HCN1: variants seen among roughly 807,000 people sequenced by gnomAD.
HCN1 encodes the protein hyperpolarization activated cyclic nucleotide gated potassium channel 1.
In HCN1, 13 loss-of-function variants were observed where a neutral mutation model predicts 78.9. The ratio of observed to expected loss-of-function variants is 0.16; its 90% CI spans 0.11 to 0.26. The LOEUF (loss-of-function observed/expected upper bound fraction) is 0.26. HCN1 is among the 10% of genes least tolerant of loss of function. The probability of loss-of-function intolerance (pLI) is 1.00; values close to 1 mark genes in which losing one functional copy is unlikely to be tolerated. For synonymous variants in HCN1, 552 were observed against 455.5 expected, an observed-to-expected ratio of 1.21 and a Z score of -2.70; for missense variants, 810 against 1,154.3, an observed-to-expected ratio of 0.70 and a Z score of 4.32.
At chr5:45,495,766 A>G (rs1335948039) in intron 2 of HCN1, among the ~76,000 whole-genome samples, 1 of 152,202 alleles carries the variant, frequency 6.6e-6, no homozygotes, top group Non-Finnish European at 1.5e-5. Context: ...TTATTTTGAA[A>G]TACGTCCCAT....
At position 45,303,810 on chromosome 5, in the gene HCN1, C is replaced by G; in HGVS notation, c.1407G>C (p.Leu469=). The change falls in exon 6 of 8, where the codon CTG becomes CTC. Residue 469 remains leucine, a synonymous_variant. Transcript: ENST00000303230. The part of the protein sequence containing the change: ...EEIVNFNCRK[L]VATMPLFANA... ...TAGCAAATAAAGGCATTGTAGCCACCAGTTTCCGACAGTTGAAGTTGACTA... is the reference window on the plus strand; with the variant it reads ...TAGCAAATAAAGGCATTGTAGCCACGAGTTTCCGACAGTTGAAGTTGACTA... 1 of 1,613,320 alleles carries G rather than the reference C, an allele frequency of 6.2e-7. No individual in the cohort carries two copies. The highest frequency in any genetic ancestry group is 8.5e-7 in the Non-Finnish European group (1 of 1,179,474).
chr5:45,371,560 C>T (rs933309240), intron 4 of HCN1, among the ~76,000 whole-genome samples: 2 of 151,424 alleles, frequency 1.3e-5, no homozygotes, highest in African/African-American at 4.9e-5. Flanking sequence ...AGTTTGAGAC[C>T]ATCCTGGACA....
At position 45,392,170 on chromosome 5, in the gene HCN1, G is replaced by A. The variant is rs1446770528; in HGVS notation, c.1230+4322C>T. The stretch of plus-strand genomic sequence containing the variant: ...CTCTATTGCAAATGGGATTTGAATA[G>A]CTTGAAGATAAGAGCAGGTTTTGGT... On this transcript the variant is annotated intron_variant, in intron 4 of 7. Coordinates refer to ENST00000303230, the MANE Select transcript of HCN1 (RefSeq NM_021072.4). Among the ~76,000 whole-genome samples the A allele has an allele frequency of 2.0e-5, 3 of 152,084 alleles. No homozygotes were observed. In the East Asian group the frequency reaches 5.8e-4, roughly 29 times the overall value.
intron 6 of HCN1, among the ~76,000 whole-genome samples, chr5:45,272,562 C>T (rs547622017): frequency 6.6e-6 from 1 of 152,158 alleles, no homozygotes; most frequent in South Asian, 2.1e-4. Context: ...ACCCCAATTA[C>T]AGTGAATAAA....
intron 2 of HCN1, among the ~76,000 whole-genome samples, chr5:45,547,866 A>G (rs1743260754): frequency 6.6e-6 from 1 of 151,966 alleles, no homozygotes; most frequent in African/African-American, 2.4e-5. Flanking sequence ...TAATCCTTTT[A>G]CGCAGAGATT....
chr5:45,318,488 A>G (rs1746049492), intron 5 of HCN1, among the ~76,000 whole-genome samples: 1 of 152,066 alleles, frequency 6.6e-6, no homozygotes, highest in African/African-American at 2.4e-5. Context: ...GGTGCAGCAC[A>G]CCAACATGGC....
At chr5:45,483,009 T>C (rs1019281417) in intron 2 of HCN1, among the ~76,000 whole-genome samples, 8 of 152,234 alleles carry the variant, frequency 5.3e-5, no homozygotes, top group Non-Finnish European at 7.3e-5. Flanking sequence ...CAGTCTAACA[T>C]TGATGTGCAT....
At chr5:45,666,861 T>G (rs1746060411) in intron 1 of HCN1, among the ~76,000 whole-genome samples, 1 of 151,966 alleles carries the variant, frequency 6.6e-6, no homozygotes, top group Admixed American at 6.6e-5. Context: ...ATTTTATTGT[T>G]TGGGGCACCT....
intron 2 of HCN1, among the ~76,000 whole-genome samples, chr5:45,580,304 A>C (rs1300509263): frequency 6.6e-6 from 1 of 152,104 alleles, no homozygotes; most frequent in Non-Finnish European, 1.5e-5. Context: ...GAGAATCAGA[A>C]GAGCTGTGAC....
chr5:45,295,573 C>A (rs1028374254), intron 6 of HCN1, among the ~76,000 whole-genome samples: 1 of 152,014 alleles, frequency 6.6e-6, no homozygotes, highest in South Asian at 2.1e-4. Context: ...GAAACATACT[C>A]CTGCATTATT....
chr5:45,300,289 T>C (rs1046447437), intron 6 of HCN1, among the ~76,000 whole-genome samples: 3 of 152,002 alleles, frequency 2.0e-5, no homozygotes, highest in African/African-American at 7.2e-5. Context: ...CATATACAGT[T>C]CACTACTTAA....
chr5:45,314,567 C>G (rs572406348), intron 5 of HCN1, among the ~76,000 whole-genome samples: 6 of 152,186 alleles, frequency 3.9e-5, no homozygotes, highest in Admixed American at 2.6e-4. Flanking sequence ...CACAGACTGG[C>G]AAATTGGATA....
chr5:45,587,847 G>A (rs1310067284), intron 2 of HCN1, among the ~76,000 whole-genome samples: 3 of 152,094 alleles, frequency 2.0e-5, no homozygotes, highest in African/African-American at 4.8e-5. Flanking sequence ...GGACCTTTAG[G>A]ATGTAATTAG....
At chr5:45,360,315 T>C (rs1425195724) in intron 4 of HCN1, among the ~76,000 whole-genome samples, 2 of 151,868 alleles carry the variant, frequency 1.3e-5, no homozygotes, top group Admixed American at 6.6e-5. Flanking sequence ...TAAAATTGTT[T>C]GCTCTTCAAA....
chr5:45,299,848 G>T (rs1452216630), intron 6 of HCN1, among the ~76,000 whole-genome samples: 3 of 151,842 alleles, frequency 2.0e-5, no homozygotes, highest in South Asian at 2.1e-4. Flanking sequence ...TCATCTAGGG[G>T]ATCACAAAAA....
chr5:45,577,329 G>A (rs1205068807), intron 2 of HCN1, among the ~76,000 whole-genome samples: 2 of 151,966 alleles, frequency 1.3e-5, no homozygotes, highest in African/African-American at 2.4e-5. Context: ...GCTTAATAGA[G>A]GGCTGACATC....
At chr5:45,539,226 T>C (rs1743038986) in intron 2 of HCN1, among the ~76,000 whole-genome samples, 1 of 152,166 alleles carries the variant, frequency 6.6e-6, no homozygotes, top group South Asian at 2.1e-4. Context: ...CAGTATATTT[T>C]CATAAAGCTT....
At chr5:45,321,864 T>C (rs1389669070) in intron 5 of HCN1, among the ~76,000 whole-genome samples, 1 of 152,022 alleles carries the variant, frequency 6.6e-6, no homozygotes, top group South Asian at 2.1e-4. Flanking sequence ...TGGTCAAATA[T>C]TTTTTGAAAA....
chr5:45,372,096 T>A (rs1177850614), intron 4 of HCN1, among the ~76,000 whole-genome samples: 1 of 57,512 alleles, frequency 1.7e-5, no homozygotes, highest in East Asian at 6.7e-4. Context: ...ATTATATATA[T>A]ATTTTATATA....
Sources: gnomAD v4.1 joint callset for allele counts (sites outside exome capture counted in the v4.1 genomes callset) on GRCh38, gnomAD v4.1.1 for gene constraint, MANE v1.5 for transcripts, NCBI Gene and HGNC (gene_info 2026-07-23, HGNC 2026-07-21) for gene names.